The following ENAH variants were observed in gnomAD, a reference collection of about 807,000 sequenced individuals.
ENAH encodes protein enabled homolog.
Under a neutral mutation model 78.7 loss-of-function variants are expected in ENAH, and 23 were observed. That is an observed-to-expected ratio of 0.29 (90% CI 0.21 to 0.41). ENAH has a LOEUF of 0.41. Ranked by LOEUF, ENAH falls within the 10% of genes least tolerant of loss-of-function variation. The pLI, the probability that ENAH is intolerant of heterozygous loss-of-function variation, is 1.00. For synonymous variants in ENAH, 226 were observed against 241.0 expected (o/e 0.94, Z 0.58); for missense variants, 544 against 691.0 (o/e 0.79, Z 2.39).
intron 4 of ENAH, among the ~76,000 whole-genome samples, chr1:225,523,414 ATATTC>A (rs2096484286): frequency 1.3e-5 from 2 of 151,932 alleles, no homozygotes; most frequent in African/African-American, 4.8e-5. Context: ...ACATGTCATC[ATATTC>A]CAGGGTTTTC....
intron 4 of ENAH, chr1:225,524,663 TCATTGTTCCAA>T (rs11270689): frequency 1 from 977,654 of 977,720 alleles, 488,794 homozygotes; most frequent in Middle Eastern, 1. Flanking sequence ...CTATACACTC[TCATTGTTCCAA>T]CATTGTTCCA....
chr1:225,635,218 T>TA (rs1412865963), intron 1 of ENAH, among the ~76,000 whole-genome samples: 4 of 152,214 alleles, frequency 2.6e-5, no homozygotes, highest in African/African-American at 9.6e-5. Flanking sequence ...TGTTTTTATA[T>TA]AAAATTTATT....
intron 1 of ENAH, among the ~76,000 whole-genome samples, chr1:225,611,546 T>C (rs1015589864): frequency 6.6e-6 from 1 of 152,126 alleles, no homozygotes; most frequent in Non-Finnish European, 1.5e-5. Context: ...CTTGAACTAC[T>C]GACCTCGGGT....
chr1:225,595,727 G>A (rs78412635), intron 1 of ENAH, among the ~76,000 whole-genome samples: 164 of 152,186 alleles, frequency 1.1e-3, no homozygotes, highest in African/African-American at 3.6e-3. Context: ...TTATAGTATA[G>A]CTAAAAATAT....
chr1:225,587,058 A>C (rs554992), intron 1 of ENAH, among the ~76,000 whole-genome samples: 1 of 151,930 alleles, frequency 6.6e-6, no homozygotes, highest in Non-Finnish European at 1.5e-5. Flanking sequence ...TAATGTGATA[A>C]AGATCATATA....
Position 225,495,456 on chromosome 1 carries a change from G to GTTTTTTTTTTTT in ENAH, c.*2307_*2318dup, listed in dbSNP as rs33964064. On this transcript the variant is annotated 3_prime_UTR_variant, in exon 14 of 14. Transcript: ENST00000366843. ...GGAAATATAGCATGATTCAACACTG[G>GTTTTTTTTTTTT]TTTTTTTTTTTTTTTTTTTTTGTCA... 2 of 110,762 alleles carry GTTTTTTTTTTTT rather than the reference G, an allele frequency of 1.8e-5. No homozygotes were observed. The highest frequency in any genetic ancestry group is 1.1e-4 in the Admixed American group (1 of 9,312). The allele number at this position is 110,762 out of a possible 1,614,324, so 6.9% of individuals were successfully genotyped here.
intron 1 of ENAH, chr1:225,580,025 G>A (rs2096807638): frequency 6.6e-6 from 1 of 151,846 alleles, no homozygotes; most frequent in African/African-American, 2.4e-5. Flanking sequence ...GTGTGATTCT[G>A]GTTCCTACTC....
At chr1:225,606,955 A>C (rs1340769449) in intron 1 of ENAH, among the ~76,000 whole-genome samples, 2 of 152,130 alleles carry the variant, frequency 1.3e-5, no homozygotes, top group Non-Finnish European at 2.9e-5. Flanking sequence ...CAAGGTCCTG[A>C]ATAATGCAGC....
intron 4 of ENAH, among the ~76,000 whole-genome samples, chr1:225,526,157 G>A (rs187296104): frequency 1.3e-5 from 2 of 152,060 alleles, no homozygotes; most frequent in Non-Finnish European, 2.9e-5. Context: ...ATTTCTTCAC[G>A]TTTTTGTTCT....
chr1:225,626,567 A>G (rs955195501), intron 1 of ENAH, among the ~76,000 whole-genome samples: 1 of 152,256 alleles, frequency 6.6e-6, no homozygotes, highest in South Asian at 2.1e-4. Context: ...GCAGCATTCA[A>G]CCAAACACTG....
intron 1 of ENAH, among the ~76,000 whole-genome samples, chr1:225,607,534 C>A (rs761566823): frequency 0.046 from 5,883 of 126,952 alleles, 190 homozygotes; most frequent in South Asian, 0.12. Flanking sequence ...AAAAAAAAAA[C>A]ACCTGGTTGA....
chr1:225,613,681 T>C (rs771368719), intron 1 of ENAH, among the ~76,000 whole-genome samples: 53 of 152,218 alleles, frequency 3.5e-4, no homozygotes, highest in Non-Finnish European at 6.0e-4. Context: ...AATTATAAAC[T>C]CTTCCTAATA....
Position 225,507,991 on chromosome 1 carries a change from T to C in ENAH, c.1498A>G (p.Thr500Ala). ...PEPTRKPWER[T>A]NTMNGSKSPV... ...GACTTGCTGCCATTCATTGTATTTG[T>C]TCTTTCCCAAGGTTTTCTTGTTGGT... The change falls in exon 11 of 14, where the codon ACA (threonine) becomes GCA (alanine). Residue 500 changes from threonine to alanine, a missense_variant. Thr to Ala is a moderately conservative substitution (Grantham distance 58). Around this residue, in one of 4 missense-constraint regions of ENAH, gnomAD observed 97 missense variants for 124.4 expected, o/e 0.78. Coordinates refer to ENST00000366843, the MANE Select transcript of ENAH (RefSeq NM_018212.6). The C allele has an allele frequency of 2.6e-6, 4 of 1,564,828 alleles. No individual in the cohort carries two copies. The highest frequency in any genetic ancestry group is 3.4e-6 in the Non-Finnish European group (4 of 1,163,954).
chr1:225,638,194 A>C (rs1027780857), intron 1 of ENAH, among the ~76,000 whole-genome samples: 15 of 152,128 alleles, frequency 9.9e-5, no homozygotes, highest in Non-Finnish European at 1.5e-5. Context: ...GATTCTATTA[A>C]ACTTGACTAA....
chr1:225,615,275 C>T (rs1216376010), intron 1 of ENAH, among the ~76,000 whole-genome samples: 4 of 152,250 alleles, frequency 2.6e-5, no homozygotes, highest in African/African-American at 9.6e-5. Flanking sequence ...CAGCTCCTGA[C>T]CGCGAGTGAT....
intron 2 of ENAH, among the ~76,000 whole-genome samples, chr1:225,556,046 TG>T (rs2096665083): frequency 1.3e-5 from 2 of 152,314 alleles, no homozygotes; most frequent in South Asian, 4.1e-4. Context: ...CATGCAGCTG[TG>T]GTTTGTTCAT....
intron 3 of ENAH, 59 bp from the exon 4 acceptor site, chr1:225,530,697 A>G: frequency 7.8e-7 from 1 of 1,283,414 alleles, no homozygotes; most frequent in Non-Finnish European, 1.1e-6. Flanking sequence ...TGGACAGAGG[A>G]GATAAAATCA....
intron 2 of ENAH, among the ~76,000 whole-genome samples, chr1:225,557,716 G>C (rs929663271): frequency 6.6e-6 from 1 of 152,298 alleles, no homozygotes; most frequent in Non-Finnish European, 1.5e-5. Context: ...AGCTACTTGG[G>C]AGGCTGAGGC....
intron 1 of ENAH, among the ~76,000 whole-genome samples, chr1:225,643,369 G>C (rs1457931803): frequency 6.6e-6 from 1 of 151,278 alleles, no homozygotes; most frequent in African/African-American, 2.4e-5. Flanking sequence ...ATGATAGACT[G>C]GATACAGAAA....
Sources: gnomAD v4.1 joint callset for allele counts (sites outside exome capture counted in the v4.1 genomes callset) on GRCh38, gnomAD v4.1.1 for gene constraint, gnomAD v4.1.1 regional missense constraint, MANE v1.5 for transcripts, NCBI Gene and HGNC (gene_info 2026-07-23, HGNC 2026-07-21) for gene names.